DDC: variants seen among roughly 807,000 people sequenced by gnomAD.
The protein encoded by DDC is dopa decarboxylase, also known as aromatic-L-amino-acid decarboxylase.
DDC carries 43 observed loss-of-function variants against 60.0 expected under a neutral mutation model. That is an observed-to-expected ratio of 0.72 (90% CI 0.56 to 0.92). The LOEUF (loss-of-function observed/expected upper bound fraction) is 0.92, where lower values mean the gene tolerates loss of function less well. Among genes scored for constraint, DDC ranks in the 40% least tolerant of loss-of-function variants. DDC has a pLI of 0.00. For missense variants in DDC, 573 were observed against 620.2 expected (o/e 0.92, Z 0.81); for synonymous variants, 232 against 234.6 (o/e 0.99, Z 0.10).
At chr7:50,550,604 G>A (rs538080593) in intron 1 of DDC, among the ~76,000 whole-genome samples, 19 of 152,356 alleles carry the variant, frequency 1.2e-4, no homozygotes, top group Non-Finnish European at 2.6e-4. Context: ...AGGGAGACAG[G>A]AGACATCAAT....
chr7:50,465,623 C>T (rs748909521), intron 13 of DDC, among the ~76,000 whole-genome samples: 7 of 152,358 alleles, frequency 4.6e-5, no homozygotes, highest in Non-Finnish European at 7.3e-5. Context: ...CTGGCCTCCT[C>T]GGCCTCCCAA....
At chr7:50,531,302 T>A (rs911063784) in intron 4 of DDC, among the ~76,000 whole-genome samples, 1 of 152,148 alleles carries the variant, frequency 6.6e-6, no homozygotes, top group Non-Finnish European at 1.5e-5. Context: ...ATCATTCCTG[T>A]CCCTGATTTC....
chr7:50,507,696 T>A (rs1471250676), intron 6 of DDC, among the ~76,000 whole-genome samples: 1 of 152,200 alleles, frequency 6.6e-6, no homozygotes, highest in Non-Finnish European at 1.5e-5. Context: ...TAGATTCTTA[T>A]GTAATTACTG....
chr7:50,551,007 G>A (rs146663143), intron 1 of DDC, among the ~76,000 whole-genome samples: 65 of 152,198 alleles, frequency 4.3e-4, no homozygotes, highest in African/African-American at 1.3e-3. Context: ...TCTTGTTTAC[G>A]TTTCTGCACA....
intron 10 of DDC, among the ~76,000 whole-genome samples, chr7:50,477,895 A>G (rs12718529): frequency 0.55 from 84,144 of 151,740 alleles, 23,490 homozygotes; most frequent in Admixed American, 0.62. Context: ...GTGCATGCAG[A>G]AAGCACTCAG....
chr7:50,523,713 T>C (rs1371197814), intron 6 of DDC, among the ~76,000 whole-genome samples: 3 of 152,196 alleles, frequency 2.0e-5, no homozygotes, highest in South Asian at 2.1e-4. Flanking sequence ...CTAACATTCA[T>C]TGTGGGAATG....
chr7:50,490,687 TCAACAA>T (rs920673766), intron 9 of DDC, among the ~76,000 whole-genome samples: 2 of 151,906 alleles, frequency 1.3e-5, no homozygotes, highest in African/African-American at 2.4e-5. Flanking sequence ...AGGCTCTGTC[TCAACAA>T]CAACAACAAC....
intron 11 of DDC, among the ~76,000 whole-genome samples, chr7:50,472,973 A>G (rs1174667072): frequency 2.0e-5 from 3 of 152,158 alleles, no homozygotes; most frequent in Non-Finnish European, 4.4e-5. Context: ...GAGAATGTCT[A>G]TGATATTCCT....
chr7:50,528,346 A>C, intron 5 of DDC, 66 bp from the exon 6 acceptor site: 1 of 1,604,492 alleles, frequency 6.2e-7, no homozygotes, highest in Non-Finnish European at 8.5e-7. Flanking sequence ...CAGGCCCTGG[A>C]TCGGCAGAGA....
intron 1 of DDC, among the ~76,000 whole-genome samples, chr7:50,555,962 A>G (rs540805222): frequency 6.2e-4 from 95 of 152,364 alleles, no homozygotes; most frequent in Non-Finnish European, 7.2e-4. Flanking sequence ...AGCATGGCTT[A>G]AGTAACTTCA....
chr7:50,490,862 T>C (rs1177660232), intron 9 of DDC, among the ~76,000 whole-genome samples: 1 of 152,224 alleles, frequency 6.6e-6, no homozygotes, highest in African/African-American at 2.4e-5. Context: ...ATAATAGAAC[T>C]AAAACTTATT....
intron 6 of DDC, among the ~76,000 whole-genome samples, chr7:50,524,572 A>T (rs116902342): frequency 6.6e-6 from 1 of 152,236 alleles, no homozygotes; most frequent in Admixed American, 6.5e-5. Context: ...ACATGAAAAG[A>T]TGTTCATTAG....
chr7:50,564,585 A>G (rs2045394454), intron 1 of DDC, among the ~76,000 whole-genome samples: 1 of 152,232 alleles, frequency 6.6e-6, no homozygotes, highest in Non-Finnish European at 1.5e-5. Context: ...TGATTCTTAT[A>G]TACTTCCGAC....
At chr7:50,481,188 T>C (rs751885958) in intron 9 of DDC, among the ~76,000 whole-genome samples, 27 of 152,232 alleles carry the variant, frequency 1.8e-4, no homozygotes, top group Admixed American at 1.3e-4. Flanking sequence ...GATTTATCTA[T>C]AAATGGTCAT....
chr7:50,514,970 TA>T (rs1377027184), intron 6 of DDC, among the ~76,000 whole-genome samples: 1 of 152,198 alleles, frequency 6.6e-6, no homozygotes, highest in African/African-American at 2.4e-5. Context: ...AAGAGAATTC[TA>T]AAAGGTTGGA....
In DDC at chr7:50,467,267, G is replaced by A. The variant is rs373529153; in HGVS notation, c.1189C>T (p.Arg397Cys). 8.7e-6 allele frequency: 14 copies of A among 1,614,182 alleles called. No homozygotes were observed. Among genetic ancestry groups the A allele is most frequent in the East Asian group, 2.2e-5 (1 of 44,888 alleles). ...EFESLVRQDP[R>C]FEICVEVILG... ...ATGACTTCCACACAGATTTCAAAGC[G>A]GGGATCCTGGCGCACCAGTGACTCA... Residue 397 changes from arginine to cysteine, a missense_variant, in exon 13 of 15, where the codon CGC (arginine) becomes TGC (cysteine). Physicochemically the swap from Arg to Cys is radical, Grantham distance 180. Coordinates refer to ENST00000444124, the MANE Select transcript of DDC (RefSeq NM_001082971.2).
chr7:50,549,635 C>T (rs562039332), intron 1 of DDC, among the ~76,000 whole-genome samples: 7 of 145,530 alleles, frequency 4.8e-5, no homozygotes, highest in East Asian at 2.0e-4. Context: ...CCAGCCTGGG[C>T]GACAGAGCAA....
At chr7:50,557,230 A>G (rs1241493815) in intron 1 of DDC, among the ~76,000 whole-genome samples, 1 of 152,236 alleles carries the variant, frequency 6.6e-6, no homozygotes, top group African/African-American at 2.4e-5. Context: ...TGTTTAATAA[A>G]CAATGCTCTG....
intron 6 of DDC, among the ~76,000 whole-genome samples, chr7:50,505,944 G>A (rs935736179): frequency 1.3e-5 from 2 of 152,214 alleles, no homozygotes; most frequent in African/African-American, 4.8e-5. Context: ...ATTAAAAACA[G>A]CTTGTTCCTC....
Sources: gnomAD v4.1 joint callset for allele counts (sites outside exome capture counted in the v4.1 genomes callset) on GRCh38, gnomAD v4.1.1 for gene constraint, MANE v1.5 for transcripts, NCBI Gene and HGNC (gene_info 2026-07-23, HGNC 2026-07-21) for gene names.